The following ADGRL2 variants were observed in gnomAD, a reference collection of about 807,000 sequenced individuals.
ADGRL2 encodes the protein adhesion G protein-coupled receptor L2, also known as calcium-independent alpha-latrotoxin receptor 2.
Under a neutral mutation model 157.4 loss-of-function variants are expected in ADGRL2, and 44 were observed. The observed-to-expected ratio is 0.28, with a 90% CI of 0.22 to 0.36. The LOEUF (loss-of-function observed/expected upper bound fraction) is 0.36, where lower values mean the gene tolerates loss of function less well. Ranked by LOEUF, ADGRL2 falls within the 10% of genes least tolerant of loss-of-function variation. ADGRL2 has a pLI of 1.00. For missense variants in ADGRL2, 1,510 were observed against 1,768.9 expected, an observed-to-expected ratio of 0.85 and a Z score of 2.63; for synonymous variants, 585 against 624.7, an observed-to-expected ratio of 0.94 and a Z score of 0.95.
intron 2 of ADGRL2, among the ~76,000 whole-genome samples, chr1:81,860,085 G>A (rs532102062): frequency 5.9e-5 from 9 of 152,108 alleles, no homozygotes; most frequent in African/African-American, 7.2e-5. Context: ...TTAGCTGGGC[G>A]TAATGGCAGG....
chr1:81,659,264 G>T (rs2082603575), intron 3 of ADGRL2, among the ~76,000 whole-genome samples: 1 of 151,872 alleles, frequency 6.6e-6, no homozygotes, highest in African/African-American at 2.4e-5. Flanking sequence ...GTTTCACTAT[G>T]TTGGCCAAGC....
chr1:81,317,917 T>C (rs1172860008), intron 1 of ADGRL2, among the ~76,000 whole-genome samples: 1 of 152,168 alleles, frequency 6.6e-6, no homozygotes, highest in Non-Finnish European at 1.5e-5. Flanking sequence ...CATATGCACA[T>C]AGTTTCAATA....
chr1:81,884,571 G>A (rs2094077918), intron 2 of ADGRL2, among the ~76,000 whole-genome samples: 1 of 152,112 alleles, frequency 6.6e-6, no homozygotes. Flanking sequence ...ATTGAACAAA[G>A]CAAAACACTA....
At chr1:81,702,706 G>C (rs1322681806) in intron 1 of ADGRL2, among the ~76,000 whole-genome samples, 1 of 152,072 alleles carries the variant, frequency 6.6e-6, no homozygotes, top group African/African-American at 2.4e-5. Context: ...ATCTTGCTGG[G>C]ACCAAAATAT....
At chr1:81,967,010 C>T (rs894702353) in intron 13 of ADGRL2, among the ~76,000 whole-genome samples, 14 of 152,054 alleles carry the variant, frequency 9.2e-5, no homozygotes, top group African/African-American at 3.4e-4. Flanking sequence ...TTACTGATCA[C>T]GTTTGACACA....
intron 1 of ADGRL2, among the ~76,000 whole-genome samples, chr1:81,387,758 C>T (rs757039943): frequency 7.2e-5 from 11 of 152,062 alleles, no homozygotes; most frequent in African/African-American, 4.8e-5. Context: ...CCTGGGAATA[C>T]GGGTGGCCTC....
At chr1:81,567,675 G>T (rs562398605) in intron 2 of ADGRL2, among the ~76,000 whole-genome samples, 4 of 152,134 alleles carry the variant, frequency 2.6e-5, no homozygotes, top group South Asian at 2.1e-4. Context: ...CCATTTGTCC[G>T]CTGTGTTTGG....
intron 1 of ADGRL2, among the ~76,000 whole-genome samples, chr1:81,706,965 C>A (rs694064): frequency 1.3e-5 from 2 of 151,860 alleles, no homozygotes; most frequent in Non-Finnish European, 2.9e-5. Context: ...GAAACAAAAG[C>A]AAAGCATTAA....
chr1:81,331,972 C>T lies in ADGRL2; in HGVS notation c.-302+25463C>T, dbSNP rs117826879. Reference sequence around the variant, plus strand: ...ATGTCAGTTAAGTTGTATCTGTTGACCTAGGGGACAAGTTAAATCAATATT... The same window carrying T: ...ATGTCAGTTAAGTTGTATCTGTTGATCTAGGGGACAAGTTAAATCAATATT... On this transcript the variant is annotated intron_variant, in intron 1 of 24. Transcript: ENST00000370721. Among the ~76,000 whole-genome samples the T allele has an allele frequency of 2.8e-3, 420 of 152,052 alleles. 5 individuals are homozygous for T. The South Asian group carries it at 0.052, about 19-fold the overall frequency.
In ADGRL2 at chr1:81,527,326, C is replaced by A. The variant is rs984112885; in HGVS notation, c.-247-53550C>A. Among the ~76,000 whole-genome samples, 6 of 152,286 alleles carry A rather than the reference C, an allele frequency of 3.9e-5. No homozygotes were observed. In the East Asian group the frequency reaches 1.2e-3, roughly 29 times the overall value. On this transcript the variant is annotated intron_variant, in intron 2 of 24. Transcript: ENST00000370721. ...CAAAATTCATATGTTGAAACTTACT[C>A]CCCAATGAGATAATATTAAGAGGGG...
At chr1:81,605,891 G>T (rs544422237) in intron 3 of ADGRL2, among the ~76,000 whole-genome samples, 1 of 152,244 alleles carries the variant, frequency 6.6e-6, no homozygotes, top group East Asian at 1.9e-4. Context: ...CTGTTAAATG[G>T]AATTAAATGA....
intron 3 of ADGRL2, among the ~76,000 whole-genome samples, chr1:81,914,446 C>T (rs934420793): frequency 2.0e-5 from 3 of 152,030 alleles, no homozygotes; most frequent in African/African-American, 7.2e-5. Context: ...GCTTACTAGT[C>T]AGGGTTACTC....
chr1:81,561,476 T>G (rs2080440442), intron 2 of ADGRL2, among the ~76,000 whole-genome samples: 1 of 151,440 alleles, frequency 6.6e-6, no homozygotes, highest in African/African-American at 2.4e-5. Context: ...GTTTTTTTTT[T>G]TTCAGAGGGA....
chr1:81,559,202 TA>T (rs952032727), intron 2 of ADGRL2, among the ~76,000 whole-genome samples: 2 of 152,190 alleles, frequency 1.3e-5, no homozygotes, highest in African/African-American at 4.8e-5. Flanking sequence ...TCTTTATTTG[TA>T]AAGATGGAAT....
intron 3 of ADGRL2, among the ~76,000 whole-genome samples, chr1:81,659,833 T>C (rs1314439071): frequency 1.3e-5 from 2 of 152,224 alleles, no homozygotes; most frequent in East Asian, 3.8e-4. Context: ...TCTAAATTAT[T>C]CTCTTTTTTG....
intron 1 of ADGRL2, chr1:81,426,333 G>A (rs2077215664): frequency 7.6e-6 from 2 of 264,556 alleles, no homozygotes; most frequent in Admixed American, 9.8e-5. Flanking sequence ...CCATGTTTCA[G>A]GGGAGAAAGG....
At chr1:81,595,224 T>C (rs745469332) in intron 3 of ADGRL2, among the ~76,000 whole-genome samples, 1 of 152,172 alleles carries the variant, frequency 6.6e-6, no homozygotes, top group Non-Finnish European at 1.5e-5. Context: ...TGCAATACTT[T>C]TTATGAACCA....
chr1:81,935,469 T>G (rs2095296865), intron 3 of ADGRL2, among the ~76,000 whole-genome samples: 1 of 151,930 alleles, frequency 6.6e-6, no homozygotes, highest in South Asian at 2.1e-4. Flanking sequence ...GAAAGTCTAG[T>G]TTTGAGTTGA....
chr1:81,337,606 C>T (rs1661749367), intron 1 of ADGRL2, among the ~76,000 whole-genome samples: 1 of 152,160 alleles, frequency 6.6e-6, no homozygotes, highest in Non-Finnish European at 1.5e-5. Context: ...CAAGTCTTCC[C>T]TGTGTTTTCA....
Sources: allele counts gnomAD v4.1 joint callset (sites outside exome capture counted in the v4.1 genomes callset), GRCh38; gene constraint gnomAD v4.1.1; transcripts MANE v1.5; gene names NCBI Gene and HGNC (gene_info 2026-07-23, HGNC 2026-07-21).